KLHL29: variants seen among roughly 807,000 people sequenced by gnomAD.
KLHL29 encodes the protein kelch-like protein 29.
KLHL29 carries 21 observed loss-of-function variants against 80.4 expected under a neutral mutation model. The observed-to-expected ratio is 0.26, with a 90% CI of 0.19 to 0.38. The LOEUF (loss-of-function observed/expected upper bound fraction) is 0.38, where lower values mean the gene tolerates loss of function less well. KLHL29 is among the 10% of genes least tolerant of loss of function. The probability of loss-of-function intolerance (pLI) is 1.00; values close to 1 mark genes in which losing one functional copy is unlikely to be tolerated. For missense variants in KLHL29, 867 were observed against 1,223.9 expected, an observed-to-expected ratio of 0.71 and a Z score of 4.35; for synonymous variants, 511 against 526.8, an observed-to-expected ratio of 0.97 and a Z score of 0.41.
chr2:23,487,723 G>A (rs1056117043), intron 2 of KLHL29, among the ~76,000 whole-genome samples: 2 of 152,172 alleles, frequency 1.3e-5, no homozygotes, highest in African/African-American at 4.8e-5. Flanking sequence ...GACATTGTTG[G>A]CCCCTGTATT....
chr2:23,671,009 C>CACCA (rs1553353390), intron 5 of KLHL29, among the ~76,000 whole-genome samples: 2 of 46,732 alleles, frequency 4.3e-5, no homozygotes, highest in South Asian at 1.2e-3. Flanking sequence ...TCCCCCCCCC[C>CACCA]ACCTCCTCCC....
intron 5 of KLHL29, among the ~76,000 whole-genome samples, chr2:23,653,593 T>C (rs1189454920): frequency 6.6e-6 from 1 of 152,120 alleles, no homozygotes; most frequent in African/African-American, 2.4e-5. Flanking sequence ...GAGTCATACA[T>C]GACGCACACA....
intron 3 of KLHL29, among the ~76,000 whole-genome samples, chr2:23,633,090 C>T (rs895216869): frequency 2.0e-5 from 3 of 152,218 alleles, no homozygotes; most frequent in Non-Finnish European, 2.9e-5. Context: ...GGGATGGGCA[C>T]ACCAAAGCTT....
intron 2 of KLHL29, among the ~76,000 whole-genome samples, chr2:23,558,395 G>A (rs1667352218): frequency 8.3e-6 from 1 of 120,650 alleles, no homozygotes; most frequent in South Asian, 2.8e-4. Context: ...TACTAGGACT[G>A]TAAGACATTT....
rs1445763835 is a variant in KLHL29, at chr2:23,691,686, C to T, written c.1092C>T (p.Asp364=). The T allele has an allele frequency of 6.4e-7, 1 of 1,551,728 alleles. No individual in the cohort carries two copies. The highest frequency in any genetic ancestry group is 2.0e-5 in the Admixed American group (1 of 51,010). ...FKDLIQRSVQ[D]SGQGGREKLE... ...TCTCTGTGCCTAGGTCCGTGCAAGA[C>T]AGCGGCCAGGGCGGCCGGGAGAAGC... Residue 364 remains aspartate (D), a synonymous_variant, in exon 7 of 14, where the codon GAC becomes GAT. Transcript: ENST00000486442.
At chr2:23,643,219 C>CTG (rs1320803513) in intron 5 of KLHL29, 52 of 414,764 alleles carry the variant, frequency 1.3e-4, no homozygotes, top group African/African-American at 1.0e-3. Context: ...TCTCAGGGCA[C>CTG]CGCAGAACAG....
chr2:23,698,705 G>C (rs567004628), intron 11 of KLHL29, among the ~76,000 whole-genome samples: 1 of 152,252 alleles, frequency 6.6e-6, no homozygotes, highest in South Asian at 2.1e-4. Flanking sequence ...ATATATTGCA[G>C]TCACTGTGGT....
chr2:23,572,840 A>C (rs1472027109), intron 3 of KLHL29, among the ~76,000 whole-genome samples: 2 of 151,996 alleles, frequency 1.3e-5, no homozygotes, highest in African/African-American at 2.4e-5. Context: ...AGCTGGGACT[A>C]CAGGCACCCG....
At chr2:23,395,011 C>G (rs920540772) in intron 1 of KLHL29, among the ~76,000 whole-genome samples, 6 of 152,192 alleles carry the variant, frequency 3.9e-5, no homozygotes, top group Non-Finnish European at 8.8e-5. Flanking sequence ...TATTTCTGGA[C>G]TCGTCTTGGG....
At chr2:23,516,772 C>T (rs1558368624) in intron 2 of KLHL29, among the ~76,000 whole-genome samples, 1 of 152,268 alleles carries the variant, frequency 6.6e-6, no homozygotes. Flanking sequence ...CATGCCTGCC[C>T]TGGCACTGGG....
rs1326130955 is a variant in KLHL29, at chr2:23,582,943, GGTGGGCCCTAAATC to G, written c.285+20463_285+20476del. On this transcript the variant is annotated intron_variant, in intron 3 of 13. Transcript: ENST00000486442. The stretch of plus-strand genomic sequence containing the variant: ...CTCAAGATGAGACCATCTAGATTGG[GGTGGGCCCTAAATC>G]CAATGACGAGTGTTTTTACAAGAGA... Among the ~76,000 whole-genome samples, 4 of 152,264 alleles carry G rather than the reference GGTGGGCCCTAAATC, an allele frequency of 2.6e-5. No homozygotes were observed. In the East Asian group the frequency reaches 5.8e-4, roughly 22 times the overall value.
At chr2:23,691,593 T>C in intron 6 of KLHL29, 81 bp from the exon 7 acceptor site, 1 of 1,200,472 alleles carries the variant, frequency 8.3e-7, no homozygotes, top group Non-Finnish European at 1.2e-6. Flanking sequence ...GACCAAGGTG[T>C]GCAGGGAGAT....
intron 3 of KLHL29, among the ~76,000 whole-genome samples, chr2:23,601,334 A>G (rs1380782348): frequency 6.6e-6 from 1 of 152,162 alleles, no homozygotes; most frequent in East Asian, 1.9e-4. Context: ...TTGGTAGTGA[A>G]ATGTCTGTAT....
At chr2:23,454,156 G>A (rs1487569576) in intron 1 of KLHL29, among the ~76,000 whole-genome samples, 2 of 152,242 alleles carry the variant, frequency 1.3e-5, no homozygotes, top group Middle Eastern at 6.8e-3. Flanking sequence ...ATACACATTC[G>A]ATTGAGTCAG....
At chr2:23,517,311 G>A (rs529480696) in intron 2 of KLHL29, among the ~76,000 whole-genome samples, 4 of 152,330 alleles carry the variant, frequency 2.6e-5, no homozygotes, top group East Asian at 3.9e-4. Context: ...TTGGGAGGCC[G>A]AGGCGGGTGG....
Position 23,539,685 on chromosome 2 carries a change from C to T in KLHL29, c.-45-22467C>T, listed in dbSNP as rs116625039. ...TTGAACTCCTGGGCTCAAGTGACCC[C>T]TCTTCCTCAGTCTCCCAAAGTGCTA... On this transcript the variant is annotated intron_variant, in intron 2 of 13. Coordinates refer to ENST00000486442, the MANE Select transcript of KLHL29 (RefSeq NM_052920.2). Among the ~76,000 whole-genome samples the T allele has an allele frequency of 4.1e-3, 616 of 152,074 alleles. 5 individuals carry two copies. The highest frequency in any genetic ancestry group is 0.014 in the African/African-American group (587 of 41,480).
intron 2 of KLHL29, among the ~76,000 whole-genome samples, chr2:23,545,030 G>C (rs746085954): frequency 6.6e-6 from 1 of 152,206 alleles, no homozygotes; most frequent in Non-Finnish European, 1.5e-5. Flanking sequence ...ATGAGGGTGA[G>C]GAAGGAAGGA....
intron 3 of KLHL29, among the ~76,000 whole-genome samples, chr2:23,588,519 T>C (rs1668173245): frequency 6.6e-6 from 1 of 152,154 alleles, no homozygotes; most frequent in African/African-American, 2.4e-5. Flanking sequence ...ACCTCTGGGC[T>C]TCTCTCCCTG....
intron 3 of KLHL29, among the ~76,000 whole-genome samples, chr2:23,616,231 T>C (rs1669000728): frequency 6.6e-6 from 1 of 152,226 alleles, no homozygotes; most frequent in African/African-American, 2.4e-5. Flanking sequence ...GGTTCTGTTC[T>C]CTTGAGCCCT....
Sources: allele counts gnomAD v4.1 joint callset (sites outside exome capture counted in the v4.1 genomes callset), GRCh38; gene constraint gnomAD v4.1.1; transcripts MANE v1.5; gene names NCBI Gene and HGNC (gene_info 2026-07-23, HGNC 2026-07-21).